Variants in RGS7 observed in about 807,000 individuals in gnomAD.
RGS7 encodes the protein regulator of G protein signaling 7.
In RGS7, 27 loss-of-function variants were observed where a neutral mutation model predicts 81.1. That is an observed-to-expected ratio of 0.33 (90% CI 0.25 to 0.46). RGS7 has a LOEUF of 0.46. RGS7 is among the 20% of genes least tolerant of loss of function. RGS7 has a pLI of 1.00. For synonymous variants in RGS7, 208 were observed against 207.7 expected (o/e 1.00, Z -0.01); for missense variants, 396 against 607.4 (o/e 0.65, Z 3.66).
At position 240,868,697 on chromosome 1, in the gene RGS7, T is replaced by A; in HGVS notation, c.528-29A>T. 6.2e-7 allele frequency: 1 copy of A among 1,610,558 alleles called. No individual in the cohort carries two copies. Among genetic ancestry groups the A allele is most frequent in the Non-Finnish European group, 8.5e-7 (1 of 1,176,786 alleles). ...TCAACACAGTAACAATAGATAACAT[T>A]TAGTATTAATTGTAGTGCCTCTCTG... On this transcript the variant is annotated intron_variant, in intron 8 of 18. Transcript: ENST00000440928. This position sits in a 1 kb window ranked among gnomAD's most constrained non-coding sequence, Gnocchi z 5.1.
chr1:240,868,565 C>G lies in RGS7; in HGVS notation c.609+22G>C, dbSNP rs772976755. The G allele has an allele frequency of 3.1e-6, 5 of 1,610,966 alleles. No individual in the cohort carries two copies. The South Asian group carries it at 5.5e-5, about 18-fold the overall frequency. Reference sequence around the variant, plus strand: ...ACAGACGGAGAAGATGGATTCAAGACGAGAGTGCGACGCTTGCTTACCACG... The same window carrying G: ...ACAGACGGAGAAGATGGATTCAAGAGGAGAGTGCGACGCTTGCTTACCACG... On this transcript the variant is annotated intron_variant, in intron 9 of 18. Coordinates refer to ENST00000440928, the MANE Select transcript of RGS7 (RefSeq NM_001364886.1). This position sits in a 1 kb window ranked among gnomAD's most constrained non-coding sequence, Gnocchi z 5.1.
intron 13 of RGS7, among the ~76,000 whole-genome samples, chr1:240,812,391 G>T: frequency 6.6e-6 from 1 of 151,748 alleles, no homozygotes; most frequent in East Asian, 1.9e-4. Context: ...AAGTAATAAG[G>T]GGTAAAGATC....
chr1:241,257,928 C>G lies in RGS7; in HGVS notation c.78+97771G>C, dbSNP rs113271252. 8.1e-4 allele frequency among the ~76,000 whole-genome samples: 123 copies of G among 152,176 alleles called. 2 individuals are homozygous for G. In the Middle Eastern group the frequency reaches 0.017, roughly 21 times the overall value. ...AAGATTTAAAATCTATAACACAATG[C>G]AGGTAGAATGATGTAAATTATGTAA... On this transcript the variant is annotated intron_variant, in intron 2 of 18. Transcript: ENST00000440928.
chr1:241,168,465 C>T (rs551825542), intron 2 of RGS7, among the ~76,000 whole-genome samples: 8 of 152,238 alleles, frequency 5.3e-5, no homozygotes, highest in African/African-American at 1.9e-4. Context: ...TCCCATGATT[C>T]CCGCCCCAGC....
intron 3 of RGS7, among the ~76,000 whole-genome samples, chr1:241,017,398 C>A (rs2059312111): frequency 1.4e-5 from 2 of 147,078 alleles, no homozygotes; most frequent in African/African-American, 2.6e-5. Context: ...CAAGATCACA[C>A]CACTGCACTC....
rs936711310 is a variant in RGS7 at position 240,983,267 on chromosome 1, C to G, written c.176-138G>C. The G allele has an allele frequency of 9.6e-6, 5 of 521,146 alleles. No individual in the cohort carries two copies. The East Asian group carries it at 1.2e-4, about 12-fold the overall frequency. The allele number at this position is 521,146 out of a possible 1,614,324, so 32.3% of individuals were successfully genotyped here. A position where few individuals can be genotyped will look rare whatever the true frequency, so the allele number is the denominator to read the frequency against. On this transcript the variant is annotated intron_variant, in intron 3 of 18. Transcript: ENST00000440928. The stretch of plus-strand genomic sequence containing the variant: ...TTACAATGACAGATTAAGGATCTAC[C>G]CCAGATGGAATGCTGAAAACACAAA...
chr1:240,827,079 C>CAACAAAT lies in RGS7; in HGVS notation c.684+12_684+18dup. ...ATGCAATCCATCACCAAGATCAGCACAACAAATGACAGTTTTACCTTCCGT... is the reference window on the plus strand; with the variant it reads ...ATGCAATCCATCACCAAGATCAGCACAACAAATAACAAATGACAGTTTTACCTTCCGT... On this transcript the variant is annotated intron_variant, in intron 10 of 18. Coordinates refer to ENST00000440928, the MANE Select transcript of RGS7 (RefSeq NM_001364886.1). 1 of 1,600,054 alleles carries CAACAAAT rather than the reference C, an allele frequency of 6.2e-7. No individual in the cohort carries two copies. The highest frequency in any genetic ancestry group is 8.6e-7 in the Non-Finnish European group (1 of 1,167,266).
At chr1:241,212,217 G>A (rs1276925854) in intron 2 of RGS7, among the ~76,000 whole-genome samples, 2 of 152,050 alleles carry the variant, frequency 1.3e-5, no homozygotes, top group African/African-American at 2.4e-5. Context: ...TGAAGGAAGT[G>A]TATTCACTTA....
intron 2 of RGS7, among the ~76,000 whole-genome samples, chr1:241,283,769 T>C (rs2078649290): frequency 6.6e-6 from 1 of 152,148 alleles, no homozygotes; most frequent in Non-Finnish European, 1.5e-5. Context: ...TGTTAGATCT[T>C]TAATTGTAGT....
chr1:241,053,527 C>T (rs2061348574), intron 3 of RGS7, among the ~76,000 whole-genome samples: 1 of 152,202 alleles, frequency 6.6e-6, no homozygotes, highest in Non-Finnish European at 1.5e-5. Flanking sequence ...GACACTGTGT[C>T]ATTTGACCAC....
intron 2 of RGS7, among the ~76,000 whole-genome samples, chr1:241,121,492 G>GT (rs2066250025): frequency 1.3e-5 from 2 of 152,104 alleles, no homozygotes; most frequent in African/African-American, 4.8e-5. Context: ...GTTTGAATAT[G>GT]TATGTTATAA....
At chr1:241,248,471 A>C (rs997381575) in intron 2 of RGS7, among the ~76,000 whole-genome samples, 3 of 150,782 alleles carry the variant, frequency 2.0e-5, no homozygotes, top group African/African-American at 7.3e-5. Context: ...GGTCGTTTAC[A>C]TTTAATGTAA....
chr1:241,350,482 C>G (rs886702372), intron 2 of RGS7, among the ~76,000 whole-genome samples: 3 of 152,162 alleles, frequency 2.0e-5, no homozygotes, highest in African/African-American at 7.2e-5. Context: ...AAGGACCATG[C>G]CTTTCATAAT....
intron 2 of RGS7, among the ~76,000 whole-genome samples, chr1:241,278,414 C>T (rs1225107561): frequency 6.6e-6 from 1 of 152,152 alleles, no homozygotes; most frequent in Non-Finnish European, 1.5e-5. Context: ...CCCTGCAGGA[C>T]CTGTTCTTTG....
chr1:240,959,164 G>A (rs16841155), intron 4 of RGS7, among the ~76,000 whole-genome samples: 5,457 of 152,216 alleles, frequency 0.036, 195 homozygotes, highest in African/African-American at 0.096. Flanking sequence ...TTATTTGGAC[G>A]GATATATTAC....
intron 2 of RGS7, among the ~76,000 whole-genome samples, chr1:241,258,830 G>A (rs1464195412): frequency 3.9e-5 from 6 of 152,176 alleles, no homozygotes; most frequent in Non-Finnish European, 8.8e-5. Context: ...CTACGCCAAC[G>A]AACTTTGCCT....
At chr1:240,984,026 G>A (rs1685302520) in intron 3 of RGS7, among the ~76,000 whole-genome samples, 1 of 152,102 alleles carries the variant, frequency 6.6e-6, no homozygotes, top group Admixed American at 6.5e-5. Flanking sequence ...AGGGGCCTAC[G>A]TAAAAACTAA....
rs372073418 is a variant in RGS7, at chr1:240,997,727, G to A, written c.176-14598C>T. ...TAATCCCAGCTACTCAGGAGGCTGA[G>A]GCAGGAGAATCACGTGAATCCAGGA... On this transcript the variant is annotated intron_variant, in intron 3 of 18. Transcript: ENST00000440928. 5.9e-5 allele frequency among the ~76,000 whole-genome samples: 9 copies of A among 152,210 alleles called. No individual in the cohort carries two copies. In the East Asian group the frequency reaches 1.5e-3, roughly 26 times the overall value.
At chr1:241,221,584 T>TA (rs1320306127) in intron 2 of RGS7, among the ~76,000 whole-genome samples, 3 of 152,256 alleles carry the variant, frequency 2.0e-5, no homozygotes, top group African/African-American at 7.2e-5. Flanking sequence ...GATAAGTAGT[T>TA]AAACATTATT....
Sources: allele counts gnomAD v4.1 joint callset (sites outside exome capture counted in the v4.1 genomes callset), GRCh38; gene constraint gnomAD v4.1.1; non-coding constraint Gnocchi (gnomAD v3.1); transcripts MANE v1.5; gene names NCBI Gene and HGNC (gene_info 2026-07-23, HGNC 2026-07-21).